The following SLC24A2 variants were observed in gnomAD, a reference collection of about 807,000 sequenced individuals.
SLC24A2 encodes the protein solute carrier family 24 member 2, also known as sodium/potassium/calcium exchanger 2.
Under a neutral mutation model 62.0 loss-of-function variants are expected in SLC24A2, and 36 were observed. The observed-to-expected ratio is 0.58, with a 90% CI of 0.44 to 0.77. The LOEUF is 0.77. Ranked by LOEUF, SLC24A2 falls within the 30% of genes least tolerant of loss-of-function variation. The pLI is 0.00. For synonymous variants in SLC24A2, 358 were observed against 294.0 expected (o/e 1.22, Z -2.23); for missense variants, 846 against 817.9 (o/e 1.03, Z -0.42).
intron 2 of SLC24A2, among the ~76,000 whole-genome samples, chr9:19,766,472 A>T (rs1317559297): frequency 6.6e-6 from 1 of 152,136 alleles, no homozygotes; most frequent in Non-Finnish European, 1.5e-5. Flanking sequence ...TGACCTTCAG[A>T]TGGAGTTTTT....
At chr9:19,963,163 A>C in the SLC24A2 span, among the ~76,000 whole-genome samples, 6 of 143,842 alleles carry the variant, frequency 4.2e-5, no homozygotes, top group African/African-American at 1.3e-4. Flanking sequence ...CTGGCTAGCC[A>C]TATGTAGAAA....
the SLC24A2 span, among the ~76,000 whole-genome samples, chr9:20,259,588 C>CAG: frequency 6.6e-6 from 1 of 152,190 alleles, no homozygotes; most frequent in African/African-American, 2.4e-5. Context: ...GGGACAGAGT[C>CAG]AGAGACATCA....
the SLC24A2 span, among the ~76,000 whole-genome samples, chr9:20,216,137 T>C: frequency 1.3e-5 from 2 of 152,202 alleles, no homozygotes; most frequent in African/African-American, 4.8e-5. Flanking sequence ...CTTGCAATAT[T>C]AGCTCCTGAT....
At chr9:20,033,417 G>T in the SLC24A2 span, among the ~76,000 whole-genome samples, 1 of 152,140 alleles carries the variant, frequency 6.6e-6, no homozygotes, top group Non-Finnish European at 1.5e-5. Flanking sequence ...ACTGCTAGGA[G>T]AAATAAATGA....
the SLC24A2 span, among the ~76,000 whole-genome samples, chr9:19,921,432 C>T: frequency 5.4e-4 from 81 of 149,190 alleles, no homozygotes; most frequent in Non-Finnish European, 3.0e-5. Flanking sequence ...GACAGAATGG[C>T]GTGAACCCGG....
chr9:20,167,490 T>C, the SLC24A2 span, among the ~76,000 whole-genome samples: 2 of 151,908 alleles, frequency 1.3e-5, no homozygotes, highest in Non-Finnish European at 2.9e-5. Flanking sequence ...AATAGATAGA[T>C]AGATATAGGT....
chr9:19,968,273 G>A, the SLC24A2 span, among the ~76,000 whole-genome samples: 2 of 152,190 alleles, frequency 1.3e-5, no homozygotes, highest in Non-Finnish European at 2.9e-5. Flanking sequence ...GCCACAGAGA[G>A]TAATTTGACT....
At chr9:20,190,829 T>C in the SLC24A2 span, among the ~76,000 whole-genome samples, 1 of 152,232 alleles carries the variant, frequency 6.6e-6, no homozygotes, top group South Asian at 2.1e-4. Flanking sequence ...TGTTTTCATC[T>C]TTAAAAAGGG....
chr9:20,092,656 G>A, the SLC24A2 span, among the ~76,000 whole-genome samples: 1 of 152,226 alleles, frequency 6.6e-6, no homozygotes, highest in East Asian at 1.9e-4. Flanking sequence ...TTGATATATG[G>A]ATACATTGTA....
intron 4 of SLC24A2, among the ~76,000 whole-genome samples, chr9:19,598,099 G>C (rs1257314129): frequency 1.3e-5 from 2 of 152,156 alleles, no homozygotes; most frequent in African/African-American, 2.4e-5. Flanking sequence ...GAAGGAGTGG[G>C]ATACACCATT....
At chr9:19,543,791 G>C (rs931686886) in intron 8 of SLC24A2, among the ~76,000 whole-genome samples, 3 of 152,014 alleles carry the variant, frequency 2.0e-5, no homozygotes, top group African/African-American at 7.3e-5. Context: ...TATGGTCTGA[G>C]AGACTGTTTG....
chr9:20,012,321 G>T, the SLC24A2 span, among the ~76,000 whole-genome samples: 1 of 152,106 alleles, frequency 6.6e-6, no homozygotes, highest in Non-Finnish European at 1.5e-5. Flanking sequence ...AGCTTGTGCA[G>T]GGAAACTCCC....
In SLC24A2 at chr9:19,782,225, C is replaced by G. The variant is rs1823038575; in HGVS notation, c.930+3712G>C. 2.0e-5 allele frequency among the ~76,000 whole-genome samples: 3 copies of G among 152,198 alleles called. No individual in the cohort carries two copies. The South Asian group carries it at 6.2e-4, about 32-fold the overall frequency. ...AGATCAACGGCCCCCAGCAGCCAGG[C>G]TAGGAGCATAGCAAAATGAGCCGAA... On this transcript the variant is annotated intron_variant, in intron 2 of 10. Transcript: ENST00000341998.
At chr9:20,016,848 A>G in the SLC24A2 span, among the ~76,000 whole-genome samples, 2 of 152,196 alleles carry the variant, frequency 1.3e-5, no homozygotes, top group Non-Finnish European at 2.9e-5. Flanking sequence ...AAGGAGGGGC[A>G]TACTTGGGTA....
chr9:20,207,631 T>C, the SLC24A2 span, among the ~76,000 whole-genome samples: 3 of 152,178 alleles, frequency 2.0e-5, no homozygotes, highest in South Asian at 2.1e-4. Context: ...GTACTATGCA[T>C]AGAGTCTGAC....
At chr9:20,247,466 C>T in the SLC24A2 span, among the ~76,000 whole-genome samples, 2 of 152,060 alleles carry the variant, frequency 1.3e-5, no homozygotes, top group African/African-American at 2.4e-5. Context: ...GAGGGTGAAG[C>T]CCCCATGGAT....
At chr9:19,987,970 GAAAAC>G in the SLC24A2 span, among the ~76,000 whole-genome samples, 1 of 152,088 alleles carries the variant, frequency 6.6e-6, no homozygotes, top group African/African-American at 2.4e-5. Flanking sequence ...CAATTGCATT[GAAAAC>G]AAAAACACTT....
chr9:20,237,940 T>C, the SLC24A2 span, among the ~76,000 whole-genome samples: 1 of 152,212 alleles, frequency 6.6e-6, no homozygotes, highest in Admixed American at 6.5e-5. Context: ...ATCCCTGTTT[T>C]CATTTACTGA....
chr9:20,216,186 C>T, the SLC24A2 span, among the ~76,000 whole-genome samples: 15 of 152,214 alleles, frequency 9.9e-5, no homozygotes, highest in African/African-American at 2.2e-4. Flanking sequence ...ATGCAAAATA[C>T]GTTTCCTAAA....
Sources: allele counts gnomAD v4.1 joint callset (sites outside exome capture counted in the v4.1 genomes callset), GRCh38; gene constraint gnomAD v4.1.1; transcripts MANE v1.5; gene names NCBI Gene and HGNC (gene_info 2026-07-23, HGNC 2026-07-21).